The following CAMTA1 variants were observed in gnomAD, a reference collection of about 807,000 sequenced individuals.
The protein encoded by CAMTA1 is calmodulin-binding transcription activator 1.
A neutral mutation model predicts 170.9 loss-of-function variants in CAMTA1; 27 were observed. The observed-to-expected ratio is 0.16, with a 90% confidence interval of 0.12 to 0.22. CAMTA1 has a LOEUF of 0.22. Ranked by LOEUF, CAMTA1 falls within the 10% of genes least tolerant of loss-of-function variation. The pLI is 1.00. For missense variants in CAMTA1, 1,619 were observed against 2,217.2 expected, an observed-to-expected ratio of 0.73 and a Z score of 5.42; for synonymous variants, 833 against 891.5, an observed-to-expected ratio of 0.93 and a Z score of 1.17.
chr1:6,889,831 T>C (rs1278235355), intron 3 of CAMTA1, among the ~76,000 whole-genome samples: 3 of 152,226 alleles, frequency 2.0e-5, no homozygotes, highest in Non-Finnish European at 4.4e-5. Context: ...TTTTATATGT[T>C]ATTTTCATAA....
At chr1:6,906,976 G>A (rs931358965) in intron 3 of CAMTA1, among the ~76,000 whole-genome samples, 5 of 152,158 alleles carry the variant, frequency 3.3e-5, no homozygotes, top group African/African-American at 1.2e-4. Context: ...CCCATCCCCC[G>A]CGTCCCAGCC....
At chr1:7,663,251 G>T in intron 8 of CAMTA1, 102 bp from the exon 9 acceptor site, 1 of 1,431,730 alleles carries the variant, frequency 7.0e-7, no homozygotes, top group Non-Finnish European at 9.3e-7. Flanking sequence ...CTGTGGGGCA[G>T]GTCCACCACG....
At chr1:7,209,509 C>G (rs1248961440) in intron 4 of CAMTA1, among the ~76,000 whole-genome samples, 2 of 152,184 alleles carry the variant, frequency 1.3e-5, no homozygotes, top group Admixed American at 1.3e-4. Context: ...GAGGGGGAGG[C>G]AGCTGTCAGG....
chr1:6,918,003 C>T lies in CAMTA1; in HGVS notation c.234+92793C>T, dbSNP rs576149323. Among the ~76,000 whole-genome samples, 3 of 152,168 alleles carry T rather than the reference C, an allele frequency of 2.0e-5. No individual in the cohort carries two copies. In the South Asian group the frequency reaches 6.2e-4, roughly 32 times the overall value. ...AAGAGGTGTCCATGCTGTCTGGGAC[C>T]TAGGCTGGGTGGGGCTGGGTTAGGC... On this transcript the variant is annotated intron_variant, in intron 3 of 22. Coordinates refer to ENST00000303635, the MANE Select transcript of CAMTA1 (RefSeq NM_015215.4). The surrounding 1 kb of genome is among the most constrained non-coding windows in gnomAD (Gnocchi z 4.0).
chr1:7,158,514 A>G (rs1454053887), intron 4 of CAMTA1, among the ~76,000 whole-genome samples: 2 of 152,218 alleles, frequency 1.3e-5, no homozygotes, highest in South Asian at 4.1e-4. Context: ...ATTTACTTCA[A>G]ACAAACAAAC....
Position 7,082,163 on chromosome 1 carries a change from C to T in CAMTA1, c.235-9141C>T, listed in dbSNP as rs573796930. 1.2e-3 allele frequency among the ~76,000 whole-genome samples: 186 copies of T among 152,270 alleles called. 1 individual carries two copies. Among genetic ancestry groups the T allele is most frequent in the Non-Finnish European group, 2.1e-3 (146 of 68,018 alleles). Reference sequence around the variant, plus strand: ...TTTCTAAAAAGCACAGCTAGCCAGCCGTGGTGGCTCAGGCCTGTAACCCCA... The same window carrying T: ...TTTCTAAAAAGCACAGCTAGCCAGCTGTGGTGGCTCAGGCCTGTAACCCCA... On this transcript the variant is annotated intron_variant, in intron 3 of 22. Coordinates refer to ENST00000303635, the MANE Select transcript of CAMTA1 (RefSeq NM_015215.4).
At chr1:7,733,204 AAAG>A (rs1222824611) in intron 12 of CAMTA1, among the ~76,000 whole-genome samples, 2 of 152,064 alleles carry the variant, frequency 1.3e-5, no homozygotes, top group African/African-American at 4.8e-5. Flanking sequence ...CCTGTCTCAA[AAAG>A]AAGAAGAAGA....
At position 7,710,587 on chromosome 1, in the gene CAMTA1, C is replaced by T. The variant is rs372842925; in HGVS notation, c.2915-21861C>T. Among the ~76,000 whole-genome samples, 13 of 122,690 alleles carry T rather than the reference C, an allele frequency of 1.1e-4. No homozygotes were observed. The East Asian group carries it at 1.6e-3, about 15-fold the overall frequency. 80.5% of individuals were successfully genotyped at this position (122,690 alleles called of 152,430 possible). On this transcript the variant is annotated intron_variant, in intron 11 of 22. Coordinates refer to ENST00000303635, the MANE Select transcript of CAMTA1 (RefSeq NM_015215.4). ...CTGCACTCCAGCCTGGGTGACAGAA[C>T]GAGACCCTGTCTCAAAAAAAAAAAA...
chr1:7,559,155 C>A (rs2094922918), intron 6 of CAMTA1, among the ~76,000 whole-genome samples: 2 of 152,170 alleles, frequency 1.3e-5, no homozygotes, highest in South Asian at 4.1e-4. Context: ...CGGAGGCCGG[C>A]TGTAGGCATT....
chr1:7,355,205 CAAAAA>C (rs200603818), intron 5 of CAMTA1, among the ~76,000 whole-genome samples: 3 of 112,866 alleles, frequency 2.7e-5, no homozygotes, highest in Non-Finnish European at 3.6e-5. Flanking sequence ...AACTCCGTCT[CAAAAA>C]AAAAAAAAAA....
chr1:6,982,761 G>A (rs527639458), intron 3 of CAMTA1, among the ~76,000 whole-genome samples: 3 of 151,384 alleles, frequency 2.0e-5, no homozygotes, highest in East Asian at 2.0e-4. Flanking sequence ...AGGGATCCTC[G>A]CTCAGCCCTC....
At chr1:6,873,006 T>TA (rs1401287319) in intron 3 of CAMTA1, among the ~76,000 whole-genome samples, 1 of 152,232 alleles carries the variant, frequency 6.6e-6, no homozygotes, top group Non-Finnish European at 1.5e-5. Flanking sequence ...GGTTAGCTGT[T>TA]CACTGGCGAT....
intron 3 of CAMTA1, among the ~76,000 whole-genome samples, chr1:6,841,542 C>T (rs74051009): frequency 0.014 from 2,079 of 151,770 alleles, 44 homozygotes; most frequent in African/African-American, 0.047. Flanking sequence ...GAGGTGAGGA[C>T]GTGGAGGCTA....
chr1:6,964,403 T>C (rs1035941090), intron 3 of CAMTA1, among the ~76,000 whole-genome samples: 3 of 152,160 alleles, frequency 2.0e-5, no homozygotes, highest in African/African-American at 7.2e-5. Context: ...ATGGCTTCTC[T>C]GGATGTTCCA....
At chr1:7,553,142 AATGAATGAATGAGTGAATGC>A (rs1420687783) in intron 6 of CAMTA1, among the ~76,000 whole-genome samples, 2 of 152,134 alleles carry the variant, frequency 1.3e-5, no homozygotes, top group South Asian at 2.1e-4. Flanking sequence ...TGAATGAGTG[AATGAATGAATGAGTGAATGC>A]ATGAATGAAT....
Position 7,113,546 on chromosome 1 carries a change from AG to A in CAMTA1, c.302+22178del, listed in dbSNP as rs1644188825. 6.6e-6 allele frequency among the ~76,000 whole-genome samples: 1 copy of A among 152,244 alleles called. No homozygotes were observed. The highest frequency in any genetic ancestry group is 1.5e-5 in the Non-Finnish European group (1 of 68,040). Reference sequence around the variant, plus strand: ...CAAGACCTCCCCCAACAGGCAGACCAGGGCAGTGCCTATTTATTCATGGCAT... The same window carrying A: ...CAAGACCTCCCCCAACAGGCAGACCAGGCAGTGCCTATTTATTCATGGCAT... On this transcript the variant is annotated intron_variant, in intron 4 of 22. Transcript: ENST00000303635. The surrounding 1 kb of genome is among the most constrained non-coding windows in gnomAD (Gnocchi z 4.5).
chr1:7,288,972 T>A (rs1271544626), intron 5 of CAMTA1, among the ~76,000 whole-genome samples: 1 of 152,160 alleles, frequency 6.6e-6, no homozygotes, highest in East Asian at 1.9e-4. Context: ...ACAGGAAGCA[T>A]GATTCTGGTA....
intron 9 of CAMTA1, among the ~76,000 whole-genome samples, chr1:7,669,002 C>G (rs533109613): frequency 1.6e-3 from 240 of 152,282 alleles, no homozygotes; most frequent in African/African-American, 5.1e-3. Flanking sequence ...CCCACTCCCC[C>G]CAATGCCCCG....
rs182106127 is a variant in CAMTA1 at position 7,632,652 on chromosome 1, G to A, written c.511-7748G>A. ...GGCTCCAGGCCTCCTCCTCCTCAGC[G>A]GAGATGGAGGAGCCGAGGCCAGGGC... On this transcript the variant is annotated intron_variant, in intron 6 of 22. Transcript: ENST00000303635. 3.1e-3 allele frequency among the ~76,000 whole-genome samples: 473 copies of A among 152,386 alleles called. 3 individuals are homozygous for A. The highest frequency in any genetic ancestry group is 0.011 in the African/African-American group (439 of 41,594).
Sources: allele counts gnomAD v4.1 joint callset (sites outside exome capture counted in the v4.1 genomes callset), GRCh38; gene constraint gnomAD v4.1.1; non-coding constraint Gnocchi (gnomAD v3.1); transcripts MANE v1.5; gene names NCBI Gene and HGNC (gene_info 2026-07-23, HGNC 2026-07-21).